The following MRPL21 variants were observed in gnomAD, a reference collection of about 807,000 sequenced individuals.
The protein encoded by MRPL21 is large ribosomal subunit protein bL21m.
Under a neutral mutation model 27.3 loss-of-function variants are expected in MRPL21, and 20 were observed. The observed-to-expected ratio is 0.73, with a 90% CI of 0.52 to 1.06. The LOEUF is 1.06. Ranked by LOEUF, MRPL21 falls within the 50% of genes least tolerant of loss-of-function variation. The pLI is 0.00. For missense variants in MRPL21, 249 were observed against 251.4 expected (o/e 0.99, Z 0.06); for synonymous variants, 98 against 101.5 (o/e 0.97, Z 0.21).
intron 5 of MRPL21, 137 bp downstream of exon 5, chr11:68,893,266 A>T: frequency 1.3e-6 from 2 of 1,488,550 alleles, no homozygotes; most frequent in Non-Finnish European, 1.8e-6. Context: ...GTCCACTATT[A>T]TTAAGTATAA....
At chr11:68,902,690 C>T (rs540701145) in intron 1 of MRPL21, among the ~76,000 whole-genome samples, 1 of 152,206 alleles carries the variant, frequency 6.6e-6, no homozygotes, top group Non-Finnish European at 1.5e-5. Context: ...GGGGTTCACC[C>T]TTGGTAGTGT....
In MRPL21 at chr11:68,900,577, G is replaced by A. The variant is rs376576401; in HGVS notation, c.117C>T (p.Phe39=). ...AASLWSASRR[F]NSQSTSYLPG... ...GTAGATATGAAGTGCTCTGTGAATT[G>A]AACCTTCGAGAAGCAGACCAAAGGG... is the stretch of plus-strand genomic sequence containing the variant. The change falls in exon 2 of 7, where the codon TTC becomes TTT. Residue 39 remains phenylalanine, a synonymous_variant. Coordinates refer to ENST00000362034, the MANE Select transcript of MRPL21 (RefSeq NM_181514.2). 6.6e-5 allele frequency: 106 copies of A among 1,613,780 alleles called. No individual in the cohort carries two copies. The highest frequency in any genetic ancestry group is 8.7e-5 in the Non-Finnish European group (103 of 1,179,832).
At chr11:68,901,390 C>T (rs906124937) in intron 1 of MRPL21, among the ~76,000 whole-genome samples, 1 of 152,202 alleles carries the variant, frequency 6.6e-6, no homozygotes, top group South Asian at 2.1e-4. Context: ...CCGTAGATAA[C>T]GCATACACCA....
chr11:68,892,597 G>T, intron 6 of MRPL21: 1 of 1,320,562 alleles, frequency 7.6e-7, no homozygotes, highest in Non-Finnish European at 9.6e-7. Flanking sequence ...GAGCGAGGTG[G>T]GGTCACGCGC....
Position 68,903,797 on chromosome 11 carries a change from G to C in MRPL21, c.14C>G (p.Ser5Cys), listed in dbSNP as rs1016987919. MAASSLTVTLGRLAS... is the reference protein window; with the variant it reads MAASCLTVTLGRLAS... ...CAGCCGCCCTAAGGTGACCGTCAGG[G>C]AAGATGCTGCCATGGCCGCAGCCTC... The change falls in exon 1 of 7, where the codon TCC (serine) becomes TGC (cysteine). Residue 5 changes from serine (S) to cysteine (C), a missense_variant. Transcript: ENST00000362034. The C allele has an allele frequency of 6.2e-7, 1 of 1,612,802 alleles. No homozygotes were observed. The highest frequency in any genetic ancestry group is 1.7e-5 in the Admixed American group (1 of 60,004).
intron 4 of MRPL21, among the ~76,000 whole-genome samples, chr11:68,893,685 C>A (rs918912667): frequency 6.6e-6 from 1 of 152,226 alleles, no homozygotes; most frequent in African/African-American, 2.4e-5. Flanking sequence ...AATGCTCCAA[C>A]CCTCAGAGGA....
chr11:68,898,689 T>G (rs919095951), intron 2 of MRPL21, among the ~76,000 whole-genome samples: 1 of 152,200 alleles, frequency 6.6e-6, no homozygotes, highest in African/African-American at 2.4e-5. Context: ...GCATGGCCAG[T>G]GAGGGTCGGG....
At position 68,897,394 on chromosome 11, in the gene MRPL21, T is replaced by C. The variant is rs147803534; in HGVS notation, c.232+533A>G. Reference sequence around the variant, plus strand: ...AGCACCAGCACCGAGGGTGAAACTCTTGGCAGACTTGTTTCACTCGCACGG... The same window carrying C: ...AGCACCAGCACCGAGGGTGAAACTCCTGGCAGACTTGTTTCACTCGCACGG... On this transcript the variant is annotated intron_variant, in intron 3 of 6. Coordinates refer to ENST00000362034, the MANE Select transcript of MRPL21 (RefSeq NM_181514.2). 3.9e-3 allele frequency among the ~76,000 whole-genome samples: 593 copies of C among 152,338 alleles called. 3 individuals carry two copies. Among genetic ancestry groups the C allele is most frequent in the African/African-American group, 0.013 (560 of 41,572 alleles).
At chr11:68,893,247 G>T in intron 5 of MRPL21, 156 bp downstream of exon 5, 1 of 1,453,842 alleles carries the variant, frequency 6.9e-7, no homozygotes, top group Non-Finnish European at 9.1e-7. Flanking sequence ...GTTCTCATGG[G>T]CCCTAAATGT....
intron 1 of MRPL21, among the ~76,000 whole-genome samples, chr11:68,902,758 G>A (rs781169147): frequency 6.6e-6 from 1 of 152,132 alleles, no homozygotes; most frequent in Non-Finnish European, 1.5e-5. Context: ...ATATCATACA[G>A]AATAGTTTCA....
At position 68,895,697 on chromosome 11, in the gene MRPL21, G is replaced by A. The variant is rs548088897; in HGVS notation, c.396+818C>T. Among the ~76,000 whole-genome samples, 16 of 152,216 alleles carry A rather than the reference G, an allele frequency of 1.1e-4. No homozygotes were observed. In the East Asian group the frequency reaches 3.1e-3, roughly 29 times the overall value. On this transcript the variant is annotated intron_variant, in intron 4 of 6. Transcript: ENST00000362034. ...ACCATGCAGTTTTTTTTGAGACAGG[G>A]TCTCGCTGTGTTGCCCAGGCTCGAG...
chr11:68,893,357 C>G (rs777698592), intron 5 of MRPL21, 46 bp downstream of exon 5: 2 of 1,613,402 alleles, frequency 1.2e-6, no homozygotes, highest in Non-Finnish European at 1.7e-6. Context: ...GTCTGCATGT[C>G]CAGCCCTGGA....
intron 4 of MRPL21, among the ~76,000 whole-genome samples, chr11:68,893,866 G>A (rs888668008): frequency 6.6e-6 from 1 of 152,156 alleles, no homozygotes; most frequent in African/African-American, 2.4e-5. Context: ...AAGGTCAGGA[G>A]ATGGAGACCA....
At chr11:68,891,924 G>T (rs1222424463) in intron 6 of MRPL21, 2 of 549,512 alleles carry the variant, frequency 3.6e-6, no homozygotes, top group Non-Finnish European at 5.9e-6. Context: ...CCATCCCTCA[G>T]GATGCCCACT....
intron 1 of MRPL21, 128 bp downstream of exon 1, chr11:68,903,595 G>A (rs564907530): frequency 2.1e-6 from 2 of 948,622 alleles, no homozygotes; most frequent in East Asian, 2.4e-5. Flanking sequence ...TCCAAAACCC[G>A]TGCTATATTC....
intron 4 of MRPL21, among the ~76,000 whole-genome samples, chr11:68,894,132 TCTA>T (rs1376927588): frequency 6.6e-6 from 1 of 152,226 alleles, no homozygotes; most frequent in Non-Finnish European, 1.5e-5. Context: ...AGTTTACAGT[TCTA>T]CTAATATTGC....
Position 68,897,928 on chromosome 11 carries a change from T to G in MRPL21, c.231A>C (p.Ala77=), listed in dbSNP as rs536661522. The G allele has an allele frequency of 2.0e-5, 33 of 1,613,670 alleles. No individual in the cohort carries two copies. The highest frequency in any genetic ancestry group is 3.3e-4 in the Middle Eastern group (2 of 6,084). ...TTCTGTCTCCCAGGGAGGTCTTACC[T>G]GCATGGTGTCTGGTCTCCTCAACTG... ...PDPVEETRHH[A]EVVKKVNEMI... Residue 77 remains alanine, a splice_region_variant and synonymous_variant, in exon 3 of 7, where the codon GCA becomes GCC. Transcript: ENST00000362034.
At chr11:68,897,458 C>T (rs577022364) in intron 3 of MRPL21, 2 of 162,678 alleles carry the variant, frequency 1.2e-5, no homozygotes, top group Admixed American at 6.0e-5. Flanking sequence ...AGATTCCACT[C>T]GAGGATCTTG....
chr11:68,900,634 TACCATTA>T (rs1311510082), intron 1 of MRPL21, 29 bp from the exon 2 acceptor site: 15 of 1,574,596 alleles, frequency 9.5e-6, no homozygotes, highest in Non-Finnish European at 1.2e-5. Flanking sequence ...CACAGATCAT[TACCATTA>T]ATACTACAAA....
Sources: gnomAD v4.1 joint callset for allele counts (sites outside exome capture counted in the v4.1 genomes callset) on GRCh38, gnomAD v4.1.1 for gene constraint, MANE v1.5 for transcripts, NCBI Gene and HGNC (gene_info 2026-07-23, HGNC 2026-07-21) for gene names.